Variants in GAS6 observed in about 807,000 individuals in gnomAD.
The protein encoded by GAS6 is growth arrest specific 6.
A neutral mutation model predicts 75.8 loss-of-function variants in GAS6; 41 were observed. The observed-to-expected ratio is 0.54, with a 90% CI of 0.42 to 0.70. GAS6 has a LOEUF of 0.70. Among genes scored for constraint, GAS6 ranks in the 30% least tolerant of loss-of-function variants. GAS6 has a pLI of 0.00. For synonymous variants in GAS6, 432 were observed against 412.6 expected (o/e 1.05, Z -0.57); for missense variants, 854 against 940.2 (o/e 0.91, Z 1.20).
chr13:113,833,371 G>A, intron 8 of GAS6: 1 of 997,546 alleles, frequency 1.0e-6, no homozygotes, highest in South Asian at 4.5e-5. Flanking sequence ...GAACGTCGCA[G>A]CCCAGACCCA....
chr13:113,823,071 C>G (rs112549044), intron 13 of GAS6: 415 of 317,296 alleles, frequency 1.3e-3, no homozygotes, highest in Non-Finnish European at 2.1e-3. Flanking sequence ...ACACCAGAGA[C>G]TAATTCAGAT....
chr13:113,834,456 G>A, intron 8 of GAS6, 95 bp downstream of exon 8: 8 of 1,285,334 alleles, frequency 6.2e-6, no homozygotes, highest in East Asian at 2.8e-5. Flanking sequence ...CTTAGCAAAG[G>A]CCAGGTCTTC....
intron 2 of GAS6, among the ~76,000 whole-genome samples, chr13:113,849,705 T>C (rs972995040): frequency 6.6e-6 from 1 of 152,244 alleles, no homozygotes; most frequent in Non-Finnish European, 1.5e-5. Flanking sequence ...AGTTTTATTG[T>C]TGCAAAAAGG....
At chr13:113,852,095 A>C (rs983473900) in intron 2 of GAS6, among the ~76,000 whole-genome samples, 1 of 152,236 alleles carries the variant, frequency 6.6e-6, no homozygotes, top group African/African-American at 2.4e-5. Flanking sequence ...TGTGCTCCCG[A>C]GGCTCTGGCG....
At chr13:113,841,670 A>C (rs1345574709) in intron 4 of GAS6, 1 of 142,820 alleles carries the variant, frequency 7.0e-6, no homozygotes, top group Non-Finnish European at 1.4e-5. Flanking sequence ...TACGCCCCCC[A>C]GTTTCTTCCA....
At chr13:113,860,868 C>T (rs1229454246) in intron 2 of GAS6, among the ~76,000 whole-genome samples, 2 of 152,190 alleles carry the variant, frequency 1.3e-5, no homozygotes, top group Admixed American at 1.3e-4. Context: ...GGGTGCTGGG[C>T]TTAGTATCCG....
rs548257012 is a variant in GAS6 at position 113,820,669 on chromosome 13, C to T, written c.*195G>A. Reference sequence around the variant, plus strand: ...CCGCTCTGCGCTGCGCCGGCCTCCCCGCGCCCGGGCCCACGGCTGAGTGCG... The same window carrying T: ...CCGCTCTGCGCTGCGCCGGCCTCCCTGCGCCCGGGCCCACGGCTGAGTGCG... On this transcript the variant is annotated 3_prime_UTR_variant, in exon 15 of 15. Coordinates refer to ENST00000327773, the MANE Select transcript of GAS6 (RefSeq NM_000820.4). 4.0e-5 allele frequency: 25 copies of T among 621,122 alleles called. No individual in the cohort carries two copies. Among genetic ancestry groups the T allele is most frequent in the Middle Eastern group, 4.4e-4 (1 of 2,292 alleles). The allele number at this position is 621,122 out of a possible 1,614,324, so 38.5% of individuals were successfully genotyped here. A position where few individuals can be genotyped will look rare whatever the true frequency, so the allele number is the denominator to read the frequency against.
In GAS6 at chr13:113,823,561, A is replaced by G. The variant is rs1437855607; in HGVS notation, c.1478-11T>C. ...CCAGAGGGGTCCGCACTGCAATGAA[A>G]GCGGTGCATTATAGGGTGGTATGCA... On this transcript the variant is annotated splice_polypyrimidine_tract_variant and intron_variant, in intron 12 of 14. Transcript: ENST00000327773. 6.9e-6 allele frequency: 11 copies of G among 1,605,822 alleles called. No individual in the cohort carries two copies. The highest frequency in any genetic ancestry group is 9.4e-6 in the Non-Finnish European group (11 of 1,175,384).
rs1356988390 is a variant in GAS6 at position 113,854,315 on chromosome 13, G to A, written c.256-6265C>T. Among the ~76,000 whole-genome samples, 16 of 152,340 alleles carry A rather than the reference G, an allele frequency of 1.1e-4. No homozygotes were observed. In the South Asian group the frequency reaches 2.7e-3, roughly 26 times the overall value. ...ACCAAGCTCTTCTCACAGAAGCCCC[G>A]AGACACACATCAGTGTCTCTCATGG... On this transcript the variant is annotated intron_variant, in intron 2 of 14. Transcript: ENST00000327773.
rs931992482 is a variant in GAS6 at position 113,823,284 on chromosome 13, C to T, written c.1653+91G>A. The T allele has an allele frequency of 2.5e-5, 35 of 1,381,580 alleles. No individual in the cohort carries two copies. The African/African-American group carries it at 3.9e-4, about 15-fold the overall frequency. 85.6% of individuals were successfully genotyped at this position (1,381,580 alleles called of 1,614,324 possible). Reference sequence around the variant, plus strand: ...GCTTTGGGGGTCCCTGGGGATCCCACCGCGGGCCCCCTTCGTCCCCTGCCA... The same window carrying T: ...GCTTTGGGGGTCCCTGGGGATCCCATCGCGGGCCCCCTTCGTCCCCTGCCA... On this transcript the variant is annotated intron_variant, in intron 13 of 14. Transcript: ENST00000327773.
At chr13:113,847,057 G>T in intron 3 of GAS6, 1 of 500,418 alleles carries the variant, frequency 2.0e-6, no homozygotes, top group East Asian at 5.7e-5. Context: ...GGGCGGCGGG[G>T]GGAGGCGAGG....
At chr13:113,830,913 G>C (rs950242695) in intron 10 of GAS6, among the ~76,000 whole-genome samples, 4 of 152,244 alleles carry the variant, frequency 2.6e-5, no homozygotes, top group Non-Finnish European at 5.9e-5. Context: ...CTGTAGCTTT[G>C]CTGAGAACAG....
At chr13:113,846,804 G>C (rs1222125553) in intron 3 of GAS6, among the ~76,000 whole-genome samples, 1 of 152,226 alleles carries the variant, frequency 6.6e-6, no homozygotes, top group Non-Finnish European at 1.5e-5. Context: ...CAGCGGAGTT[G>C]TGCACCCACA....
At chr13:113,849,619 C>T (rs886664919) in intron 2 of GAS6, among the ~76,000 whole-genome samples, 1 of 152,200 alleles carries the variant, frequency 6.6e-6, no homozygotes, top group African/African-American at 2.4e-5. Context: ...ATTACCACAG[C>T]TTTACAGCAA....
intron 2 of GAS6, among the ~76,000 whole-genome samples, chr13:113,860,079 C>T (rs918826655): frequency 6.6e-6 from 1 of 152,206 alleles, no homozygotes; most frequent in African/African-American, 2.4e-5. Flanking sequence ...ACGGATGCAC[C>T]AACATCCCAT....
rs1157374252 is a variant in GAS6 at position 113,844,052 on chromosome 13, C to G, written c.343+2475G>C. 6.6e-6 allele frequency: 1 copy of G among 150,824 alleles called. No individual in the cohort carries two copies. Among genetic ancestry groups the G allele is most frequent in the Admixed American group, 6.6e-5 (1 of 15,260 alleles). 9.3% of individuals were successfully genotyped at this position (150,824 alleles called of 1,614,324 possible). The stretch of plus-strand genomic sequence containing the variant: ...TGAGGCACGCGAACATCAGAGGCCC[C>G]AGCCACGTGCTCTGGAGGAGAAGCT... On this transcript the variant is annotated intron_variant, in intron 4 of 14. Transcript: ENST00000327773. The surrounding 1 kb of genome is among the most constrained non-coding windows in gnomAD (Gnocchi z 5.7).
At chr13:113,838,670 G>A (rs2051743850) in intron 5 of GAS6, among the ~76,000 whole-genome samples, 1 of 118,006 alleles carries the variant, frequency 8.5e-6, no homozygotes, top group Admixed American at 8.5e-5. Context: ...CCCCGGGGGT[G>A]CACAGCCCAG....
intron 2 of GAS6, among the ~76,000 whole-genome samples, chr13:113,860,361 G>A (rs1045880717): frequency 2.0e-5 from 3 of 152,194 alleles, no homozygotes; most frequent in Non-Finnish European, 1.5e-5. Context: ...ATGATTTTCC[G>A]GCAGGCAGGC....
chr13:113,857,142 A>T (rs2051921241), intron 2 of GAS6, among the ~76,000 whole-genome samples: 1 of 152,216 alleles, frequency 6.6e-6, no homozygotes, highest in South Asian at 2.1e-4. Context: ...ATAGGCACTA[A>T]CACTGGAAGG....
Sources: allele counts gnomAD v4.1 joint callset (sites outside exome capture counted in the v4.1 genomes callset), GRCh38; gene constraint gnomAD v4.1.1; non-coding constraint Gnocchi (gnomAD v3.1); transcripts MANE v1.5; gene names NCBI Gene and HGNC (gene_info 2026-07-23, HGNC 2026-07-21).